The following UBXN11 variants were observed in gnomAD, a reference collection of about 807,000 sequenced individuals.
UBXN11 encodes the protein UBX domain-containing protein 11.
Under a neutral mutation model 62.8 loss-of-function variants are expected in UBXN11, and 47 were observed. The observed-to-expected ratio is 0.75, with a 90% confidence interval of 0.59 to 0.95. The LOEUF (loss-of-function observed/expected upper bound fraction) is 0.95, where lower values mean the gene tolerates loss of function less well. Ranked by LOEUF, UBXN11 falls within the 40% of genes least tolerant of loss-of-function variation. UBXN11 has a pLI of 0.00. For missense variants in UBXN11, 638 were observed against 661.7 expected, an observed-to-expected ratio of 0.96 and a Z score of 0.39; for synonymous variants, 294 against 267.0, an observed-to-expected ratio of 1.10 and a Z score of -0.99.
upstream of UBXN11, among the ~76,000 whole-genome samples, chr1:26,311,386 C>T (rs527469020): frequency 4.8e-4 from 73 of 151,686 alleles, no homozygotes; most frequent in Admixed American, 1.2e-3. Context: ...ATGATCCACC[C>T]GCCTCAGCCT....
intron 7 of UBXN11, among the ~76,000 whole-genome samples, 155 bp from the exon 8 acceptor site, chr1:26,294,486 T>TGGA (rs1402063734): frequency 2.6e-5 from 4 of 152,242 alleles, no homozygotes; most frequent in African/African-American, 7.2e-5. Flanking sequence ...TGCCATTTCC[T>TGGA]GGCTGTGACC....
At chr1:26,295,200 A>C (rs2073364250) in intron 7 of UBXN11, among the ~76,000 whole-genome samples, 4 of 150,076 alleles carry the variant, frequency 2.7e-5, no homozygotes, top group East Asian at 2.0e-4. Context: ...CACCCCCTCC[A>C]CCTGAGAATC....
intron 8 of UBXN11, among the ~76,000 whole-genome samples, chr1:26,290,441 C>A (rs1374298760): frequency 1.3e-5 from 2 of 152,178 alleles, no homozygotes; most frequent in East Asian, 1.9e-4. Flanking sequence ...GCACAGCCCA[C>A]ACAGGGCAGT....
At chr1:26,298,136 A>G in intron 4 of UBXN11, 74 bp from the exon 5 acceptor site, 1 of 1,473,470 alleles carries the variant, frequency 6.8e-7, no homozygotes, top group South Asian at 1.2e-5. Flanking sequence ...GGAGGAGGAT[A>G]GGGGTCCCAG....
chr1:26,296,986 G>A lies in UBXN11; in HGVS notation c.365C>T (p.Thr122Ile), dbSNP rs1296641562. The change falls in exon 7 of 15, where the codon ACC becomes ATC. Residue 122 changes from threonine to isoleucine, a missense_variant. By Grantham distance (89) the Thr-to-Ile change is moderately conservative. Coordinates refer to ENST00000374222, the MANE Select transcript of UBXN11 (RefSeq NM_001389556.1). ...QTLRPHPAEA[T>I]LQRQEELETM... ...CTCCAGTTCCTCCTGCCGCTGCAGGGTTGCCTCGGCTTCAGGGAAAGACAG... is the reference window on the plus strand; with the variant it reads ...CTCCAGTTCCTCCTGCCGCTGCAGGATTGCCTCGGCTTCAGGGAAAGACAG... The A allele has an allele frequency of 6.2e-7, 1 of 1,602,758 alleles. No individual in the cohort carries two copies. The highest frequency in any genetic ancestry group is 8.5e-7 in the Non-Finnish European group (1 of 1,174,312).
upstream of UBXN11, among the ~76,000 whole-genome samples, chr1:26,310,699 G>A (rs1243331432): frequency 7.0e-6 from 1 of 142,772 alleles, no homozygotes; most frequent in African/African-American, 2.6e-5. Flanking sequence ...CTGCACTCCA[G>A]CCTGGGCGAC....
intron 8 of UBXN11, 119 bp from the exon 9 acceptor site, chr1:26,286,156 C>T: frequency 2.3e-6 from 2 of 886,986 alleles, no homozygotes; most frequent in Non-Finnish European, 3.3e-6. Context: ...TAACTGACTG[C>T]CTGGGGAAAA....
Position 26,315,338 on chromosome 1 carries a change from A to T in UBXN11, c.-149+2709T>A, listed in dbSNP as rs574794464. Among the ~76,000 whole-genome samples, 75 of 152,310 alleles carry T rather than the reference A, an allele frequency of 4.9e-4. 2 individuals are homozygous for T. In the South Asian group the frequency reaches 0.011, roughly 21 times the overall value. ...CTGCCTCTTTGTAAGAGGGGAGAAG[A>T]TTGCACAGTGTGATGGAGCTCATTT... is the stretch of plus-strand genomic sequence containing the variant. On this transcript the variant is annotated intron_variant, in intron 1 of 14. Transcript: ENST00000374217.
chr1:26,287,729 T>C (rs965423412), intron 8 of UBXN11, among the ~76,000 whole-genome samples: 1 of 152,090 alleles, frequency 6.6e-6, no homozygotes, highest in Non-Finnish European at 1.5e-5. Flanking sequence ...TTGAAGGGGC[T>C]ATACCTGCCC....
At chr1:26,305,596 T>C (rs2073647447) in intron 1 of UBXN11, among the ~76,000 whole-genome samples, 2 of 151,894 alleles carry the variant, frequency 1.3e-5, no homozygotes, top group Admixed American at 6.6e-5. Flanking sequence ...GAATATATAC[T>C]AAAATATACT....
chr1:26,294,779 C>T (rs993618068), intron 7 of UBXN11, among the ~76,000 whole-genome samples: 2 of 152,216 alleles, frequency 1.3e-5, no homozygotes, highest in African/African-American at 4.8e-5. Context: ...GGACTGTCTA[C>T]ATGTCCACAC....
chr1:26,308,935 ATTTTTTTTTTT>A (rs57323315), upstream of UBXN11, among the ~76,000 whole-genome samples: 4 of 108,272 alleles, frequency 3.7e-5, no homozygotes, highest in Admixed American at 3.4e-4. Flanking sequence ...CAGTCGTTTG[ATTTTTTTTTTT>A]TTTTTTTTTT....
At chr1:26,317,558 G>A (rs539480498) in intron 1 of UBXN11, among the ~76,000 whole-genome samples, 173 of 111,500 alleles carry the variant, frequency 1.6e-3, no homozygotes, top group African/African-American at 6.5e-3. Flanking sequence ...ACTCATTTAC[G>A]GAATATCTGC....
At chr1:26,298,770 C>G (rs1238844288) in intron 4 of UBXN11, among the ~76,000 whole-genome samples, 2 of 130,788 alleles carry the variant, frequency 1.5e-5, no homozygotes, top group Non-Finnish European at 3.1e-5. Context: ...GAGTGAGGGA[C>G]TCTGTCTCAG....
chr1:26,293,975 A>G (rs1298219793), intron 8 of UBXN11, among the ~76,000 whole-genome samples: 2 of 152,112 alleles, frequency 1.3e-5, no homozygotes, highest in Non-Finnish European at 2.9e-5. Flanking sequence ...ACAGATGAGC[A>G]AGAGAGAGCA....
At chr1:26,315,097 A>AG in intron 1 of UBXN11, among the ~76,000 whole-genome samples, 1 of 152,288 alleles carries the variant, frequency 6.6e-6, no homozygotes. Context: ...GGAAAAAAAA[A>AG]GAGTTTGCCA....
intron 1 of UBXN11, among the ~76,000 whole-genome samples, chr1:26,315,940 G>C (rs915899287): frequency 5.4e-5 from 8 of 148,574 alleles, no homozygotes; most frequent in Non-Finnish European, 4.4e-5. Context: ...GATTACAGGC[G>C]TGAGCCACTG....
In UBXN11 at chr1:26,282,370, CGGG is replaced by C; in HGVS notation, c.1489_1491del (p.Pro497del). On this transcript the variant is annotated inframe_deletion, in exon 15 of 15. Transcript: ENST00000374222. ...CCGGGACCGGGACTGGGGCCGGGAC[CGGG>C]ACCGGGACTGGGGCCGGGACCGGGA... 8 of 438,578 alleles carry C rather than the reference CGGG, an allele frequency of 1.8e-5. No homozygotes were observed. The highest frequency in any genetic ancestry group is 1.7e-4 in the South Asian group (6 of 34,520). 27.2% of individuals were successfully genotyped at this position (438,578 alleles called of 1,614,324 possible).
At chr1:26,318,239 T>C (rs570500519) in exon 1 of UBXN11, 47 of 624,874 alleles carry the variant, frequency 7.5e-5, no homozygotes, top group African/African-American at 7.3e-4. Flanking sequence ...CGCCCAGCCT[T>C]CCAGCTCTTC....
Sources: allele counts gnomAD v4.1 joint callset (sites outside exome capture counted in the v4.1 genomes callset), GRCh38; gene constraint gnomAD v4.1.1; transcripts MANE v1.5; gene names NCBI Gene and HGNC (gene_info 2026-07-23, HGNC 2026-07-21).